Variants in NDST4 observed in about 807,000 individuals in gnomAD.
NDST4 encodes N-heparan sulfate sulfotransferase 4.
A neutral mutation model predicts 100.8 loss-of-function variants in NDST4; 63 were observed. That is an observed-to-expected ratio of 0.62 (90% CI 0.51 to 0.77). The LOEUF (loss-of-function observed/expected upper bound fraction) is 0.77. Ranked by LOEUF, NDST4 falls within the 30% of genes least tolerant of loss-of-function variation. NDST4 has a pLI of 0.00. For missense variants in NDST4, 943 were observed against 1,018.4 expected (o/e 0.93, Z 1.01); for synonymous variants, 377 against 361.8 (o/e 1.04, Z -0.48).
chr4:115,031,884 C>T (rs1728124240), intron 2 of NDST4, among the ~76,000 whole-genome samples: 1 of 151,962 alleles, frequency 6.6e-6, no homozygotes, highest in South Asian at 2.1e-4. Flanking sequence ...AAGGAAAAGT[C>T]CCATGGAACA....
At chr4:114,985,141 A>G (rs1285144932) in intron 2 of NDST4, among the ~76,000 whole-genome samples, 1 of 152,190 alleles carries the variant, frequency 6.6e-6, no homozygotes, top group Non-Finnish European at 1.5e-5. Flanking sequence ...TATGGGGAGA[A>G]AGTTTGAACT....
At position 115,026,108 on chromosome 4, in the gene NDST4, C is replaced by A. The variant is rs761023449; in HGVS notation, c.979-48834G>T. ...TAATTAAGCTATATTCCCCTTTCAA[C>A]TCCTTATGTTGCAGTTTTCCATTTG... On this transcript the variant is annotated intron_variant, in intron 2 of 13. Coordinates refer to ENST00000264363, the MANE Select transcript of NDST4 (RefSeq NM_022569.3). Among the ~76,000 whole-genome samples the A allele has an allele frequency of 1.7e-4, 26 of 152,052 alleles. 1 individual carries two copies. The highest frequency in any genetic ancestry group is 2.1e-4 in the Non-Finnish European group (14 of 67,998).
At chr4:115,075,428 G>T in intron 2 of NDST4, among the ~76,000 whole-genome samples, 1 of 152,144 alleles carries the variant, frequency 6.6e-6, no homozygotes, top group East Asian at 1.9e-4. Context: ...GTTACAAACT[G>T]CAGCATGTAC....
At chr4:114,914,693 A>C (rs2126216387) in intron 6 of NDST4, among the ~76,000 whole-genome samples, 1 of 152,280 alleles carries the variant, frequency 6.6e-6, no homozygotes, top group African/African-American at 2.4e-5. Context: ...CTGAAATTTC[A>C]AAAAGTCATG....
rs1173970826 is a variant in NDST4 at position 114,945,208 on chromosome 4, C to CAAAAA, written c.1222-7710_1222-7706dup. ...GGACAACTAGAATGAAACTCCGTCT[C>CAAAAA]AAAAAAAAAAAAAAAAAAAAAAAAA... On this transcript the variant is annotated intron_variant, in intron 4 of 13. Coordinates refer to ENST00000264363, the MANE Select transcript of NDST4 (RefSeq NM_022569.3). Among the ~76,000 whole-genome samples, 315 of 53,546 alleles carry CAAAAA rather than the reference C, an allele frequency of 5.9e-3. 8 individuals are homozygous for CAAAAA. Among genetic ancestry groups the CAAAAA allele is most frequent in the African/African-American group, 6.4e-3 (95 of 14,954 alleles). 35.1% of individuals were successfully genotyped at this position (53,546 alleles called of 152,430 possible).
intron 2 of NDST4, among the ~76,000 whole-genome samples, chr4:115,028,572 A>G (rs1466090650): frequency 6.6e-6 from 1 of 152,074 alleles, no homozygotes; most frequent in African/African-American, 2.4e-5. Context: ...ATACCAAAAA[A>G]AAAAAAATGT....
intron 1 of NDST4, among the ~76,000 whole-genome samples, chr4:115,087,807 G>A (rs992271907): frequency 5.9e-5 from 9 of 151,796 alleles, no homozygotes; most frequent in African/African-American, 2.2e-4. Flanking sequence ...CAAGGATGAT[G>A]TGAAAATGTT....
chr4:114,876,943 T>G (rs1724266068), intron 6 of NDST4, among the ~76,000 whole-genome samples: 2 of 152,176 alleles, frequency 1.3e-5, no homozygotes, highest in African/African-American at 4.8e-5. Context: ...ATCAAGGGTT[T>G]CAGGTGACTG....
rs146388106 is a variant in NDST4, at chr4:115,091,799, G to T, written c.-246-14517C>A. 3.5e-3 allele frequency among the ~76,000 whole-genome samples: 535 copies of T among 152,118 alleles called. 3 individuals are homozygous for T. Among genetic ancestry groups the T allele is most frequent in the African/African-American group, 0.012 (509 of 41,514 alleles). ...GAGTAAAATGCACATATATATAATA[G>T]ATTTTATTTTTATTCATGTTTTGAA... On this transcript the variant is annotated intron_variant, in intron 1 of 13. Coordinates refer to ENST00000264363, the MANE Select transcript of NDST4 (RefSeq NM_022569.3).
chr4:114,920,752 T>G (rs1040981724), intron 6 of NDST4, among the ~76,000 whole-genome samples: 1 of 152,196 alleles, frequency 6.6e-6, no homozygotes, highest in Non-Finnish European at 1.5e-5. Flanking sequence ...GAGAGGTAAT[T>G]GAACACTGAC....
intron 7 of NDST4, among the ~76,000 whole-genome samples, chr4:114,867,665 C>CAAAAAAAAAAAAAAAAGAAA (rs1724061643): frequency 2.5e-5 from 2 of 79,900 alleles, no homozygotes; most frequent in African/African-American, 4.9e-5. Flanking sequence ...AAAAAAAAAG[C>CAAAAAAAAAAAAAAAAGAAA]AAAAAAAAAA....
chr4:114,932,002 G>A (rs1725526027), intron 6 of NDST4, among the ~76,000 whole-genome samples: 1 of 151,870 alleles, frequency 6.6e-6, no homozygotes, highest in Non-Finnish European at 1.5e-5. Context: ...TATGAGGTTA[G>A]CATTACCCTG....
At chr4:115,068,802 C>T (rs1169911263) in intron 2 of NDST4, among the ~76,000 whole-genome samples, 17 of 133,844 alleles carry the variant, frequency 1.3e-4, no homozygotes, top group South Asian at 4.6e-4. Context: ...GGCATCAGAG[C>T]GAGGCTCCAT....
intron 7 of NDST4, among the ~76,000 whole-genome samples, chr4:114,867,646 T>TAAAAAAAAAAAAAAAAAACAAAAAAAAA (rs761173470): frequency 3.7e-5 from 1 of 26,774 alleles, no homozygotes. Context: ...ATGAGAATTA[T>TAAAAAAAAAAAAAAAAAACAAAAAAAAA]AAAAAAAAAA....
intron 6 of NDST4, among the ~76,000 whole-genome samples, chr4:114,899,426 C>T (rs1450203910): frequency 2.6e-5 from 4 of 152,154 alleles, no homozygotes; most frequent in Non-Finnish European, 5.9e-5. Flanking sequence ...ATCCACCCAC[C>T]TCGGCCTCCC....
chr4:114,947,632 A>G (rs951084512), intron 4 of NDST4, among the ~76,000 whole-genome samples: 2 of 151,936 alleles, frequency 1.3e-5, no homozygotes, highest in East Asian at 3.8e-4. Flanking sequence ...CCAGCCCATT[A>G]TTACATCATT....
At chr4:114,936,691 A>C (rs913132504) in intron 5 of NDST4, among the ~76,000 whole-genome samples, 5 of 152,188 alleles carry the variant, frequency 3.3e-5, no homozygotes, top group African/African-American at 1.2e-4. Flanking sequence ...TCTGAAATCC[A>C]ATTGGTTTTA....
chr4:115,096,960 T>C (rs562761947), intron 1 of NDST4, among the ~76,000 whole-genome samples: 14 of 152,216 alleles, frequency 9.2e-5, no homozygotes, highest in African/African-American at 3.4e-4. Context: ...ACTTTACCTA[T>C]AAGCGGCATT....
intron 4 of NDST4, among the ~76,000 whole-genome samples, chr4:114,943,517 C>A (rs114193157): frequency 4.6e-4 from 70 of 152,136 alleles, no homozygotes; most frequent in African/African-American, 1.6e-3. Context: ...ACGTTTGGGG[C>A]CTTATAGTCT....
Sources: allele counts gnomAD v4.1 joint callset (sites outside exome capture counted in the v4.1 genomes callset), GRCh38; gene constraint gnomAD v4.1.1; transcripts MANE v1.5; gene names NCBI Gene and HGNC (gene_info 2026-07-23, HGNC 2026-07-21).